The following MEGF11 variants were observed in gnomAD, a reference collection of about 807,000 sequenced individuals.
MEGF11 encodes multiple EGF like domains 11, also known as multiple epidermal growth factor-like domains protein 11.
Under a neutral mutation model 146.6 loss-of-function variants are expected in MEGF11, and 126 were observed. The observed-to-expected ratio is 0.86, with a 90% CI of 0.74 to 1.00. The LOEUF is 1.00. Ranked by LOEUF, MEGF11 falls within the 50% of genes least tolerant of loss-of-function variation. The probability of loss-of-function intolerance (pLI) is 0.00; values close to 1 mark genes in which losing one functional copy is unlikely to be tolerated. For missense variants in MEGF11, 1,509 were observed against 1,521.2 expected (o/e 0.99, Z 0.13); for synonymous variants, 532 against 583.4 (o/e 0.91, Z 1.27).
At chr15:66,174,804 T>C (rs2090351359) in intron 1 of MEGF11, among the ~76,000 whole-genome samples, 1 of 152,168 alleles carries the variant, frequency 6.6e-6, no homozygotes, top group Admixed American at 6.5e-5. Flanking sequence ...GGTATGGTCA[T>C]TTCAACAATA....
chr15:66,248,130 C>T (rs2092321789), intron 1 of MEGF11, among the ~76,000 whole-genome samples: 1 of 152,136 alleles, frequency 6.6e-6, no homozygotes, highest in African/African-American at 2.4e-5. Flanking sequence ...GGTAAGACTC[C>T]CTCCTGCCTT....
chr15:65,979,169 C>A (rs1038275705), intron 7 of MEGF11, among the ~76,000 whole-genome samples: 2 of 152,112 alleles, frequency 1.3e-5, no homozygotes, highest in Non-Finnish European at 2.9e-5. Context: ...TGAAGACCTG[C>A]AGACAGGACT....
At chr15:66,056,438 T>C (rs1053697248) in intron 5 of MEGF11, among the ~76,000 whole-genome samples, 5 of 152,154 alleles carry the variant, frequency 3.3e-5, no homozygotes, top group South Asian at 4.1e-4. Flanking sequence ...CCTGATATAG[T>C]AGGTACTTAA....
intron 3 of MEGF11, among the ~76,000 whole-genome samples, chr15:66,119,411 T>C (rs1033571587): frequency 6.6e-6 from 1 of 152,244 alleles, no homozygotes; most frequent in Non-Finnish European, 1.5e-5. Context: ...CTGCTGACTT[T>C]TCCCCAGTCA....
intron 4 of MEGF11, among the ~76,000 whole-genome samples, chr15:66,116,377 G>A (rs1597099050): frequency 6.6e-6 from 1 of 152,018 alleles, no homozygotes; most frequent in African/African-American, 2.4e-5. Flanking sequence ...ACAGCACTGT[G>A]GGTGGGCCAT....
intron 1 of MEGF11, among the ~76,000 whole-genome samples, chr15:66,145,039 C>T (rs2089312270): frequency 6.6e-6 from 1 of 152,204 alleles, no homozygotes; most frequent in South Asian, 2.1e-4. Context: ...CCCGGACAGC[C>T]CTGCTGTAGA....
chr15:66,050,181 T>C (rs1029896660), intron 5 of MEGF11, among the ~76,000 whole-genome samples: 6 of 152,152 alleles, frequency 3.9e-5, no homozygotes, highest in African/African-American at 1.4e-4. Context: ...TGTCTCAGCC[T>C]CCCGAGTAGC....
intron 1 of MEGF11, among the ~76,000 whole-genome samples, chr15:66,149,338 C>A (rs767435751): frequency 6.6e-6 from 1 of 152,202 alleles, no homozygotes; most frequent in Non-Finnish European, 1.5e-5. Context: ...TGGCCTTGAC[C>A]GTCACTTGAT....
At chr15:66,025,412 G>A (rs965200081) in intron 5 of MEGF11, among the ~76,000 whole-genome samples, 4 of 152,056 alleles carry the variant, frequency 2.6e-5, no homozygotes, top group Non-Finnish European at 5.9e-5. Flanking sequence ...GGAGGGAGAG[G>A]GGCTGGGCTG....
Position 66,188,990 on chromosome 15 carries a change from C to T in MEGF11, c.-8-60579G>A, listed in dbSNP as rs188297901. On this transcript the variant is annotated intron_variant, in intron 1 of 25. Coordinates refer to ENST00000395614, the MANE Select transcript of MEGF11 (RefSeq NM_001385028.1). ...GATTCTGAGTGGAGCTGGCTAGTTGCCATTTGAAGCAAATTGGTTATCCAG... is the reference window on the plus strand; with the variant it reads ...GATTCTGAGTGGAGCTGGCTAGTTGTCATTTGAAGCAAATTGGTTATCCAG... 3.8e-4 allele frequency among the ~76,000 whole-genome samples: 58 copies of T among 152,118 alleles called. 1 individual carries two copies. The South Asian group carries it at 5.0e-3, about 13-fold the overall frequency.
intron 1 of MEGF11, among the ~76,000 whole-genome samples, chr15:66,209,177 C>T (rs2091378780): frequency 6.6e-6 from 1 of 151,968 alleles, no homozygotes; most frequent in African/African-American, 2.4e-5. Context: ...GGTGAAACCC[C>T]ATCGCTACTA....
intron 5 of MEGF11, among the ~76,000 whole-genome samples, chr15:66,068,249 G>A (rs749196109): frequency 2.6e-5 from 4 of 152,110 alleles, no homozygotes; most frequent in Non-Finnish European, 5.9e-5. Context: ...AATGTTTTAT[G>A]AGCAAATGAA....
chr15:66,133,175 C>G (rs2088728757), intron 1 of MEGF11, among the ~76,000 whole-genome samples: 1 of 152,108 alleles, frequency 6.6e-6, no homozygotes, highest in Non-Finnish European at 1.5e-5. Context: ...AGATACTGTA[C>G]AGTGGGCACC....
chr15:66,140,688 G>C (rs2089103090), intron 1 of MEGF11, among the ~76,000 whole-genome samples: 1 of 152,220 alleles, frequency 6.6e-6, no homozygotes, highest in Non-Finnish European at 1.5e-5. Flanking sequence ...CTCTGACACA[G>C]GTATGTTTGG....
intron 1 of MEGF11, among the ~76,000 whole-genome samples, chr15:66,159,696 G>A (rs2089883266): frequency 6.6e-6 from 1 of 152,176 alleles, no homozygotes; most frequent in African/African-American, 2.4e-5. Flanking sequence ...TAGACCTGGG[G>A]CCTGGAGACA....
chr15:66,010,161 T>TAAA lies in MEGF11; in HGVS notation c.395-27676_395-27674dup, dbSNP rs11302321. Among the ~76,000 whole-genome samples, 253 of 126,116 alleles carry TAAA rather than the reference T, an allele frequency of 2.0e-3. 2 individuals carry two copies. Among genetic ancestry groups the TAAA allele is most frequent in the African/African-American group, 7.3e-3 (242 of 33,300 alleles). 82.7% of individuals were successfully genotyped at this position (126,116 alleles called of 152,430 possible). The stretch of plus-strand genomic sequence containing the variant: ...AACACACTAATAACAGCTGATTAGC[T>TAAA]AAAAAAAAAAAAAAAAAGTGCAAAA... On this transcript the variant is annotated intron_variant, in intron 5 of 25. Transcript: ENST00000395614.
At chr15:65,923,044 A>C (rs1310857462) in intron 13 of MEGF11, 75 bp from the exon 14 acceptor site, 1 of 1,505,324 alleles carries the variant, frequency 6.6e-7, no homozygotes. Flanking sequence ...GAAGGGGGAC[A>C]GTGCAGTATG....
chr15:65,904,299 C>T (rs572154910), intron 24 of MEGF11, among the ~76,000 whole-genome samples: 2 of 152,192 alleles, frequency 1.3e-5, no homozygotes, highest in Admixed American at 6.5e-5. Context: ...GTCATAGTCA[C>T]GAAATAGAAC....
chr15:66,178,620 AG>A (rs2090456504), intron 1 of MEGF11, among the ~76,000 whole-genome samples: 1 of 152,224 alleles, frequency 6.6e-6, no homozygotes, highest in Admixed American at 6.5e-5. Flanking sequence ...GCAGCATTTA[AG>A]GAAGCCCGCA....
Sources: gnomAD v4.1 joint callset for allele counts (sites outside exome capture counted in the v4.1 genomes callset) on GRCh38, gnomAD v4.1.1 for gene constraint, MANE v1.5 for transcripts, NCBI Gene and HGNC (gene_info 2026-07-23, HGNC 2026-07-21) for gene names.